Variants in CTNNA3 observed in about 807,000 individuals in gnomAD.
CTNNA3 encodes catenin alpha 3.
In CTNNA3, 76 loss-of-function variants were observed where a neutral mutation model predicts 95.7. That is an observed-to-expected ratio of 0.79 (90% CI 0.66 to 0.96). The LOEUF (loss-of-function observed/expected upper bound fraction) is 0.96, where lower values mean the gene tolerates loss of function less well. CTNNA3 is among the 40% of genes least tolerant of loss of function. The pLI, the probability that CTNNA3 is intolerant of heterozygous loss-of-function variation, is 0.00. For synonymous variants in CTNNA3, 431 were observed against 374.4 expected (o/e 1.15, Z -1.74); for missense variants, 1,191 against 1,089.8 (o/e 1.09, Z -1.31).
intron 11 of CTNNA3, among the ~76,000 whole-genome samples, chr10:66,472,690 T>C (rs914118158): frequency 1.3e-5 from 2 of 152,030 alleles, no homozygotes; most frequent in Non-Finnish European, 1.5e-5. Context: ...TCAAAAAGTC[T>C]AGCGTTTCAG....
chr10:66,339,765 G>C (rs2092434585), intron 12 of CTNNA3, among the ~76,000 whole-genome samples: 1 of 151,758 alleles, frequency 6.6e-6, no homozygotes, highest in South Asian at 2.1e-4. Context: ...TCATAATCCA[G>C]CTCTGACCTT....
At chr10:66,939,030 C>G (rs1037127388) in intron 7 of CTNNA3, among the ~76,000 whole-genome samples, 4 of 152,120 alleles carry the variant, frequency 2.6e-5, no homozygotes, top group Non-Finnish European at 5.9e-5. Context: ...CATTCTGAGG[C>G]CTCTCCTCTC....
chr10:66,038,816 C>T (rs2079620759), intron 15 of CTNNA3, among the ~76,000 whole-genome samples: 1 of 152,142 alleles, frequency 6.6e-6, no homozygotes, highest in African/African-American at 2.4e-5. Flanking sequence ...TAGAAGCATT[C>T]CCCCTTGAAA....
chr10:66,014,259 A>C (rs1284955788), intron 15 of CTNNA3, among the ~76,000 whole-genome samples: 1 of 152,122 alleles, frequency 6.6e-6, no homozygotes, highest in African/African-American at 2.4e-5. Flanking sequence ...CTTTTTTGAA[A>C]GTATTTAATA....
At chr10:67,212,442 G>A (rs1864176812) in intron 6 of CTNNA3, among the ~76,000 whole-genome samples, 1 of 151,840 alleles carries the variant, frequency 6.6e-6, no homozygotes, top group Non-Finnish European at 1.5e-5. Context: ...TATACGGCTT[G>A]CTCTTTTATG....
chr10:66,381,556 T>TTGAATGAATGAA (rs61665378), intron 11 of CTNNA3, among the ~76,000 whole-genome samples: 4 of 151,866 alleles, frequency 2.6e-5, no homozygotes, highest in East Asian at 1.9e-4. Flanking sequence ...AGAATGCTTG[T>TTGAATGAATGAA]TGAATGAATG....
rs527993824 is a variant in CTNNA3, at chr10:67,101,146, A to G, written c.1047+79171T>C. ...TACAAGTTCGTTTGTGAATGTGCAGAACAGATGCTCCCAAGATGTGGATGC... is the reference window on the plus strand; with the variant it reads ...TACAAGTTCGTTTGTGAATGTGCAGGACAGATGCTCCCAAGATGTGGATGC... On this transcript the variant is annotated intron_variant, in intron 7 of 17. Coordinates refer to ENST00000433211, the MANE Select transcript of CTNNA3 (RefSeq NM_013266.4). Among the ~76,000 whole-genome samples, 3 of 151,858 alleles carry G rather than the reference A, an allele frequency of 2.0e-5. No homozygotes were observed. The South Asian group carries it at 6.2e-4, about 31-fold the overall frequency.
chr10:67,186,435 T>G (rs1862853125), intron 6 of CTNNA3, among the ~76,000 whole-genome samples: 1 of 152,210 alleles, frequency 6.6e-6, no homozygotes, highest in African/African-American at 2.4e-5. Context: ...TTCTTCAAGC[T>G]CATCTGAACT....
chr10:66,600,997 G>C (rs1339895748), intron 10 of CTNNA3, among the ~76,000 whole-genome samples: 3 of 150,532 alleles, frequency 2.0e-5, no homozygotes, highest in Non-Finnish European at 4.4e-5. Context: ...ATTTTTTTTT[G>C]TTCTTTAACT....
chr10:66,052,538 A>G (rs911765584), intron 15 of CTNNA3, among the ~76,000 whole-genome samples: 1 of 152,280 alleles, frequency 6.6e-6, no homozygotes, highest in African/African-American at 2.4e-5. Flanking sequence ...GTTTAAATTA[A>G]AAGTGTCTTA....
chr10:66,119,364 A>G (rs186514169), intron 13 of CTNNA3, among the ~76,000 whole-genome samples: 226 of 152,248 alleles, frequency 1.5e-3, no homozygotes, highest in Non-Finnish European at 2.5e-3. Flanking sequence ...CAAAGTGTTC[A>G]GTTTGGTTTG....
chr10:66,442,692 G>A lies in CTNNA3; in HGVS notation c.1532-63340C>T, dbSNP rs555188390. ...AACTTGTGGTGGAGCCAAGATGGCC[G>A]AATAGGAACAGCTCCGGTCTACAGC... On this transcript the variant is annotated intron_variant, in intron 11 of 17. Transcript: ENST00000433211. 7.2e-5 allele frequency among the ~76,000 whole-genome samples: 11 copies of A among 152,256 alleles called. No individual in the cohort carries two copies. The South Asian group carries it at 8.3e-4, about 11-fold the overall frequency.
At chr10:66,754,513 G>A (rs1205463492) in intron 9 of CTNNA3, among the ~76,000 whole-genome samples, 3 of 151,996 alleles carry the variant, frequency 2.0e-5, no homozygotes, top group Admixed American at 2.0e-4. Context: ...AAATAGATAA[G>A]CTGCATTTAA....
intron 1 of CTNNA3, among the ~76,000 whole-genome samples, chr10:67,684,201 G>A (rs1187223229): frequency 1.3e-5 from 2 of 152,136 alleles, no homozygotes; most frequent in African/African-American, 4.8e-5. Flanking sequence ...TGATTGGCAC[G>A]TTTACAAACC....
Position 67,406,783 on chromosome 10 carries a change from A to C in CTNNA3, c.579+115059T>G, listed in dbSNP as rs1845152944. Among the ~76,000 whole-genome samples the C allele has an allele frequency of 3.9e-5, 6 of 152,296 alleles. No individual in the cohort carries two copies. The South Asian group carries it at 1.2e-3, about 32-fold the overall frequency. The stretch of plus-strand genomic sequence containing the variant: ...ATAAAAACGACCATGAGAGAATGTT[A>C]TGAACACCTCTATGCACACAAATTG... On this transcript the variant is annotated intron_variant, in intron 5 of 17. Coordinates refer to ENST00000433211, the MANE Select transcript of CTNNA3 (RefSeq NM_013266.4).
chr10:66,973,393 C>T (rs1216007851), intron 7 of CTNNA3, among the ~76,000 whole-genome samples: 2 of 152,042 alleles, frequency 1.3e-5, no homozygotes, highest in Admixed American at 6.6e-5. Context: ...TTTGTATTAA[C>T]AAATGACAAG....
chr10:67,540,881 C>G (rs1055771812), intron 3 of CTNNA3, among the ~76,000 whole-genome samples: 3 of 151,818 alleles, frequency 2.0e-5, no homozygotes, highest in Admixed American at 1.3e-4. Flanking sequence ...TACTCTGGAG[C>G]CAGACTGCTT....
At chr10:66,033,260 A>T (rs2079486728) in intron 15 of CTNNA3, among the ~76,000 whole-genome samples, 1 of 149,446 alleles carries the variant, frequency 6.7e-6, no homozygotes, top group African/African-American at 2.5e-5. Context: ...CCTCCCAAGT[A>T]GCTGGGACTA....
chr10:67,493,211 G>GA (rs201258598), intron 5 of CTNNA3, among the ~76,000 whole-genome samples: 7,070 of 136,674 alleles, frequency 0.052, 457 homozygotes, highest in East Asian at 0.35. Flanking sequence ...CAACGTGGGG[G>GA]AAAAAAAAAA....
Sources: gnomAD v4.1 joint callset for allele counts (sites outside exome capture counted in the v4.1 genomes callset) on GRCh38, gnomAD v4.1.1 for gene constraint, MANE v1.5 for transcripts, NCBI Gene and HGNC (gene_info 2026-07-23, HGNC 2026-07-21) for gene names.